Variants in CFAP61 observed in about 807,000 individuals in gnomAD.
CFAP61 encodes the protein cilia and flagella associated protein 61.
In CFAP61, 107 loss-of-function variants were observed where a neutral mutation model predicts 135.6. The ratio of observed to expected loss-of-function variants is 0.79; its 90% confidence interval spans 0.67 to 0.93. The LOEUF is 0.93. CFAP61 is among the 40% of genes least tolerant of loss of function. The probability of loss-of-function intolerance (pLI) is 0.00; values close to 1 mark genes in which losing one functional copy is unlikely to be tolerated. For synonymous variants in CFAP61, 575 were observed against 578.5 expected, an observed-to-expected ratio of 0.99 and a Z score of 0.09; for missense variants, 1,507 against 1,556.2, an observed-to-expected ratio of 0.97 and a Z score of 0.53.
intron 13 of CFAP61, chr20:20,172,322 C>CTT: frequency 6.2e-6 from 4 of 642,410 alleles, no homozygotes; most frequent in Non-Finnish European, 7.7e-6. Context: ...AATTAATAAA[C>CTT]TTTTTTTTTT....
chr20:20,263,628 C>T (rs899241419), intron 21 of CFAP61, among the ~76,000 whole-genome samples: 5 of 151,900 alleles, frequency 3.3e-5, no homozygotes, highest in Admixed American at 6.6e-5. Flanking sequence ...CTTTTTAAAT[C>T]GAAATGAAAA....
intron 20 of CFAP61, chr20:20,253,623 TCCCACTG>T: frequency 2.1e-6 from 1 of 477,274 alleles, no homozygotes; most frequent in Admixed American, 2.1e-5. Context: ...CTGTGTCCAG[TCCCACTG>T]TTTGGCCTGG....
intron 8 of CFAP61, among the ~76,000 whole-genome samples, chr20:20,127,811 G>A (rs1334230226): frequency 2.0e-5 from 3 of 151,714 alleles, no homozygotes; most frequent in East Asian, 3.9e-4. Context: ...CCATCAGGTA[G>A]GGGGCATGGC....
At chr20:20,212,121 G>A (rs1157426143) in intron 17 of CFAP61, among the ~76,000 whole-genome samples, 1 of 152,176 alleles carries the variant, frequency 6.6e-6, no homozygotes, top group Non-Finnish European at 1.5e-5. Flanking sequence ...ACCGTGTGTT[G>A]GTAGGACCGA....
At chr20:20,260,974 T>G (rs1292722367) in intron 20 of CFAP61, among the ~76,000 whole-genome samples, 1 of 152,252 alleles carries the variant, frequency 6.6e-6, no homozygotes, top group Non-Finnish European at 1.5e-5. Context: ...ATAATAACTA[T>G]GAATATAATG....
rs767114004 is a variant in CFAP61, at chr20:20,360,206, A to G, written c.3514-4A>G. On this transcript the variant is annotated splice_polypyrimidine_tract_variant and splice_region_variant and intron_variant, in intron 26 of 26. Coordinates refer to ENST00000245957, the MANE Select transcript of CFAP61 (RefSeq NM_015585.4). Reference sequence around the variant, plus strand: ...TGTATCTGGCCTCTTACTGTGTTTTACAGGAGGAAGATCTTCCTTCCATAG... The same window carrying G: ...TGTATCTGGCCTCTTACTGTGTTTTGCAGGAGGAAGATCTTCCTTCCATAG... The G allele has an allele frequency of 6.2e-7, 1 of 1,611,306 alleles. No homozygotes were observed. Among genetic ancestry groups the G allele is most frequent in the South Asian group, 1.1e-5 (1 of 91,040 alleles).
In CFAP61 at chr20:20,271,325, T is replaced by A. The variant is rs575360562; in HGVS notation, c.2504-5841T>A. 2.6e-5 allele frequency among the ~76,000 whole-genome samples: 4 copies of A among 152,200 alleles called. No homozygotes were observed. In the East Asian group the frequency reaches 7.7e-4, roughly 29 times the overall value. The stretch of plus-strand genomic sequence containing the variant: ...AACAAAAACAAAAACAAAAAGGTCA[T>A]CTCTACATTTCTACCAACATTTTAA... On this transcript the variant is annotated intron_variant, in intron 21 of 26. Transcript: ENST00000245957.
intron 20 of CFAP61, among the ~76,000 whole-genome samples, chr20:20,257,886 G>A (rs934617321): frequency 5.3e-5 from 8 of 152,166 alleles, no homozygotes; most frequent in Non-Finnish European, 7.3e-5. Context: ...TACTATTTCA[G>A]TGTTGACTCT....
chr20:20,315,255 T>A (rs1474096886), intron 25 of CFAP61, among the ~76,000 whole-genome samples: 2 of 151,884 alleles, frequency 1.3e-5, no homozygotes, highest in Admixed American at 1.3e-4. Flanking sequence ...GGTATCTCAT[T>A]GTGGTTTTGA....
At chr20:20,328,076 A>G (rs13041161) in intron 25 of CFAP61, among the ~76,000 whole-genome samples, 1 of 152,242 alleles carries the variant, frequency 6.6e-6, no homozygotes, top group Non-Finnish European at 1.5e-5. Flanking sequence ...CTTCGCTTTG[A>G]TAAGTAACTA....
At chr20:20,194,242 T>C (rs560473028) in intron 15 of CFAP61, among the ~76,000 whole-genome samples, 24 of 152,332 alleles carry the variant, frequency 1.6e-4, no homozygotes, top group Non-Finnish European at 3.5e-4. Context: ...ATATATATGT[T>C]ACATTTTACT....
chr20:20,269,227 A>ATG (rs1481009941), intron 21 of CFAP61, among the ~76,000 whole-genome samples: 1 of 143,994 alleles, frequency 6.9e-6, no homozygotes, highest in Non-Finnish European at 1.5e-5. Context: ...ATATACATAT[A>ATG]TGTATATATA....
chr20:20,308,442 G>C (rs1423413990), intron 25 of CFAP61, among the ~76,000 whole-genome samples: 2 of 148,720 alleles, frequency 1.3e-5, no homozygotes, highest in South Asian at 2.2e-4. Context: ...GGGGAAGGGG[G>C]CTGGTGTGGG....
intron 18 of CFAP61, among the ~76,000 whole-genome samples, chr20:20,230,856 G>A (rs892391768): frequency 2.6e-5 from 4 of 152,154 alleles, no homozygotes; most frequent in African/African-American, 9.7e-5. Flanking sequence ...GCGCCCTGCT[G>A]CCTCCTTGTA....
At chr20:20,173,432 C>T (rs1372431096) in intron 13 of CFAP61, among the ~76,000 whole-genome samples, 1 of 152,178 alleles carries the variant, frequency 6.6e-6, no homozygotes, top group Non-Finnish European at 1.5e-5. Flanking sequence ...CACACCCTTG[C>T]CAGCATTTGG....
chr20:20,141,560 C>T (rs999791822), intron 8 of CFAP61, among the ~76,000 whole-genome samples: 3 of 152,202 alleles, frequency 2.0e-5, no homozygotes, highest in African/African-American at 7.2e-5. Flanking sequence ...GAATGTGACT[C>T]TCTGTCTCAT....
At chr20:20,280,019 A>G (rs2054072735) in intron 22 of CFAP61, among the ~76,000 whole-genome samples, 1 of 152,118 alleles carries the variant, frequency 6.6e-6, no homozygotes, top group African/African-American at 2.4e-5. Context: ...TCTTGGTGTC[A>G]TGAGTTGAAT....
intron 25 of CFAP61, among the ~76,000 whole-genome samples, chr20:20,307,092 C>T (rs965138338): frequency 6.6e-6 from 1 of 152,196 alleles, no homozygotes; most frequent in Non-Finnish European, 1.5e-5. Context: ...TTAGCTGCCA[C>T]CCCGACCACC....
chr20:20,138,071 G>A (rs1254461810), intron 8 of CFAP61, among the ~76,000 whole-genome samples: 1 of 152,110 alleles, frequency 6.6e-6, no homozygotes, highest in East Asian at 1.9e-4. Flanking sequence ...CTGGAATAGG[G>A]ACCTTGTGAC....
Sources: gnomAD v4.1 joint callset for allele counts (sites outside exome capture counted in the v4.1 genomes callset) on GRCh38, gnomAD v4.1.1 for gene constraint, MANE v1.5 for transcripts, NCBI Gene and HGNC (gene_info 2026-07-23, HGNC 2026-07-21) for gene names.